The following REPS2 variants were observed in gnomAD, a reference collection of about 807,000 sequenced individuals.
The protein encoded by REPS2 is RALBP1 associated Eps domain containing 2.
Under a neutral mutation model 53.6 loss-of-function variants are expected in REPS2, and 23 were observed. The observed-to-expected ratio is 0.43, with a 90% CI of 0.31 to 0.61. The LOEUF (loss-of-function observed/expected upper bound fraction) is 0.61. Ranked by LOEUF, REPS2 falls within the 20% of genes least tolerant of loss-of-function variation. The pLI is 0.11. For missense variants in REPS2, 446 were observed against 534.9 expected (o/e 0.83, Z 1.64); for synonymous variants, 238 against 218.6 (o/e 1.09, Z -0.78).
At chrX:17,119,033 G>A (rs994122758) in intron 14 of REPS2, among the ~76,000 whole-genome samples, 3 of 112,537 alleles carry the variant, frequency 2.7e-5, no homozygotes, top group Non-Finnish European at 3.7e-5. Flanking sequence ...CAGAGTGCCC[G>A]ATGCTCTTCT....
At chrX:17,155,666 A>G (rs943601724), downstream of REPS2, among the ~76,000 whole-genome samples, 2 of 111,855 alleles carry the variant, frequency 1.8e-5, no homozygotes, top group African/African-American at 6.5e-5. Flanking sequence ...AATTTTTCCT[A>G]CTCCCTAGAA....
At chrX:17,162,195 C>T in the REPS2 span, among the ~76,000 whole-genome samples, 10 of 111,764 alleles carry the variant, frequency 8.9e-5, no homozygotes, top group East Asian at 2.8e-4. Flanking sequence ...TATAGTTCCC[C>T]GGGAAATCTC....
intron 2 of REPS2, among the ~76,000 whole-genome samples, chrX:17,010,665 CTG>C (rs1263702703): frequency 1.8e-5 from 2 of 111,662 alleles, no homozygotes; most frequent in African/African-American, 6.5e-5. Context: ...TATAGGCACT[CTG>C]TGTGTATTGG....
chrX:17,187,043 A>T, the REPS2 span, among the ~76,000 whole-genome samples: 1 of 111,794 alleles, frequency 8.9e-6, no homozygotes, highest in East Asian at 2.8e-4. Flanking sequence ...CAATTCATCC[A>T]TGTAACCAAA....
chrX:17,038,677 T>C (rs1454589290), intron 5 of REPS2, among the ~76,000 whole-genome samples: 1 of 112,328 alleles, frequency 8.9e-6, no homozygotes, highest in Admixed American at 9.4e-5. Context: ...GCTAGCCAGC[T>C]TGTGCAGTGC....
chrX:17,005,413 A>G (rs2061352826), intron 1 of REPS2, among the ~76,000 whole-genome samples: 2 of 111,986 alleles, frequency 1.8e-5, no homozygotes, highest in African/African-American at 6.5e-5. Flanking sequence ...CCCACTACCA[A>G]ACTTCAACAA....
intron 1 of REPS2, among the ~76,000 whole-genome samples, chrX:16,990,393 T>G (rs1159420385): frequency 9.0e-6 from 1 of 110,805 alleles, no homozygotes; most frequent in Non-Finnish European, 1.9e-5. Context: ...GTGAATTGCT[T>G]GAGGTCAGGA....
At chrX:17,142,675 A>G (rs2063460988) in intron 17 of REPS2, among the ~76,000 whole-genome samples, 2 of 112,140 alleles carry the variant, frequency 1.8e-5, no homozygotes, top group Non-Finnish European at 3.8e-5. Flanking sequence ...TACACATACT[A>G]GAATTGCTAA....
chrX:16,975,557 T>TA lies in REPS2; in HGVS notation c.273+28424dup, dbSNP rs201123038. 8.3e-4 allele frequency among the ~76,000 whole-genome samples: 93 copies of TA among 111,879 alleles called. 1 individual carries two copies. In the East Asian group the frequency reaches 0.02, roughly 24 times the overall value. The stretch of plus-strand genomic sequence containing the variant: ...TGAGATTATGCATTTTTGTCTGGAA[T>TA]ACTGCATAAGTGACATGTCCTTCTC... On this transcript the variant is annotated intron_variant, in intron 1 of 17. Coordinates refer to ENST00000357277, the MANE Select transcript of REPS2 (RefSeq NM_004726.3).
rs1252588082 is a variant in REPS2 at position 17,151,903 on chromosome X, G to A, written c.*4422G>A. On this transcript the variant is annotated 3_prime_UTR_variant, in exon 18 of 18. Transcript: ENST00000357277. The stretch of plus-strand genomic sequence containing the variant: ...TTTTTTTTGTATCATGACTCAGTAT[G>A]GTTCAATTTCCTAGTAAGAAGTGGG... 1.8e-5 allele frequency: 2 copies of A among 108,307 alleles called. No individual in the cohort carries two copies. The highest frequency in any genetic ancestry group is 3.8e-5 in the Non-Finnish European group (2 of 52,223). 8.9% of individuals were successfully genotyped at this position (108,307 alleles called of 1,213,427 possible).
chrX:17,007,144 C>T (rs1361705978), intron 2 of REPS2, among the ~76,000 whole-genome samples: 1 of 112,009 alleles, frequency 8.9e-6, no homozygotes, highest in Admixed American at 9.5e-5. Flanking sequence ...CTGCTCATGC[C>T]TGTCCTGTGA....
intron 8 of REPS2, among the ~76,000 whole-genome samples, chrX:17,056,647 A>G (rs966784274): frequency 9.1e-6 from 1 of 110,111 alleles, no homozygotes; most frequent in African/African-American, 3.3e-5. Flanking sequence ...GTGAGCCGAG[A>G]TCGCGCCACT....
In REPS2 at chrX:17,152,977, A is replaced by G. The variant is rs2063583441; in HGVS notation, c.*5496A>G. ...TGAACAGTAAAAAGTGTAACAGCAA[A>G]GTATATATTTGATGCCTTCTGTCTT... On this transcript the variant is annotated 3_prime_UTR_variant, in exon 18 of 18. Transcript: ENST00000357277. The G allele has an allele frequency of 8.9e-6, 1 of 112,769 alleles. No homozygotes were observed. Among genetic ancestry groups the G allele is most frequent in the Non-Finnish European group, 1.9e-5 (1 of 53,322 alleles). 9.3% of individuals were successfully genotyped at this position (112,769 alleles called of 1,213,427 possible). A position where few individuals can be genotyped will look rare whatever the true frequency, so the allele number is the denominator to read the frequency against.
At chrX:17,050,194 C>CTTTCTTTTCT (rs1223989029) in intron 6 of REPS2, among the ~76,000 whole-genome samples, 3 of 51,760 alleles carry the variant, frequency 5.8e-5, no homozygotes, top group Non-Finnish European at 6.2e-5. Flanking sequence ...TTCTTTCTTT[C>CTTTCTTTTCT]TTTTTTTTTT....
At position 17,047,481 on chromosome X, in the gene REPS2, A is replaced by C; in HGVS notation, c.906A>C (p.Ser302=). 2 of 1,209,290 alleles carry C rather than the reference A, an allele frequency of 1.7e-6. No homozygotes were observed. The highest frequency in any genetic ancestry group is 3.5e-5 in the African/African-American group (2 of 57,665). The change falls in exon 6 of 18, where the codon TCA becomes TCC. Residue 302 remains serine (S), a splice_region_variant and synonymous_variant. Transcript: ENST00000357277. The part of the protein sequence containing the change: ...SLQPDPSSFI[S]GSVAKNFFTK... ...AGCCAGACCCAAGCTCTTTCATTTCAGGTAAGAATGTGGGCTCCCTAGGCA... is the reference window on the plus strand; with the variant it reads ...AGCCAGACCCAAGCTCTTTCATTTCCGGTAAGAATGTGGGCTCCCTAGGCA...
At chrX:17,071,059 A>C (rs764710723) in intron 11 of REPS2, among the ~76,000 whole-genome samples, 4 of 112,356 alleles carry the variant, frequency 3.6e-5, no homozygotes, top group Admixed American at 1.9e-4. Context: ...CCAGCTCTGG[A>C]AGGTGATGCT....
chrX:17,118,291 A>G (rs1367657907), intron 14 of REPS2, among the ~76,000 whole-genome samples: 1 of 107,829 alleles, frequency 9.3e-6, no homozygotes, highest in Non-Finnish European at 1.9e-5. Context: ...CATGTGGGAC[A>G]TTTAAATCCC....
chrX:16,951,559 A>ACCCCCCC (rs74473321), intron 1 of REPS2, among the ~76,000 whole-genome samples: 1 of 37,477 alleles, frequency 2.7e-5, no homozygotes, highest in African/African-American at 9.0e-5. Context: ...ACACACACAC[A>ACCCCCCC]CCCCCGCTAC....
intron 1 of REPS2, 88 bp downstream of exon 1, chrX:16,947,222 C>T: frequency 1.1e-6 from 1 of 930,956 alleles, no homozygotes; most frequent in Non-Finnish European, 1.3e-6. Context: ...GGGCTGCCCC[C>T]AGGGACCCGG....
Sources: allele counts gnomAD v4.1 joint callset (sites outside exome capture counted in the v4.1 genomes callset), GRCh38; gene constraint gnomAD v4.1.1; transcripts MANE v1.5; gene names NCBI Gene and HGNC (gene_info 2026-07-23, HGNC 2026-07-21).